RSPO2: variants seen among roughly 807,000 people sequenced by gnomAD.
RSPO2 encodes R-spondin-2.
In RSPO2, 14 loss-of-function variants were observed where a neutral mutation model predicts 30.9. The observed-to-expected ratio is 0.45, with a 90% CI of 0.30 to 0.71. RSPO2 has a LOEUF of 0.71. Among genes scored for constraint, RSPO2 ranks in the 30% least tolerant of loss-of-function variants. The probability of loss-of-function intolerance (pLI) is 0.08; values close to 1 mark genes in which losing one functional copy is unlikely to be tolerated. For synonymous variants in RSPO2, 107 were observed against 96.4 expected (o/e 1.11, Z -0.64); for missense variants, 264 against 301.9 (o/e 0.87, Z 0.93).
At chr8:108,011,532 T>C (rs1169003101) in intron 2 of RSPO2, among the ~76,000 whole-genome samples, 1 of 152,212 alleles carries the variant, frequency 6.6e-6, no homozygotes, top group Non-Finnish European at 1.5e-5. Context: ...CTTCAAATGT[T>C]TTAAAGAAGA....
intron 2 of RSPO2, among the ~76,000 whole-genome samples, chr8:108,018,510 A>AT (rs1277835063): frequency 1.3e-5 from 2 of 152,220 alleles, no homozygotes; most frequent in Non-Finnish European, 2.9e-5. Context: ...TACATGTATG[A>AT]TTTTAATAGT....
At chr8:107,908,825 G>A (rs1036141574) in intron 5 of RSPO2, among the ~76,000 whole-genome samples, 3 of 152,144 alleles carry the variant, frequency 2.0e-5, no homozygotes, top group African/African-American at 7.2e-5. Context: ...TAGAGAAAAA[G>A]CATTATTCAC....
chr8:107,984,704 G>A (rs1360563791), intron 3 of RSPO2, among the ~76,000 whole-genome samples: 2 of 152,296 alleles, frequency 1.3e-5, no homozygotes, highest in East Asian at 3.9e-4. Flanking sequence ...AATGATGCAA[G>A]AGTGGAAGTA....
intron 5 of RSPO2, 24 bp downstream of exon 5, chr8:107,958,056 A>G (rs773569572): frequency 6.4e-7 from 1 of 1,565,102 alleles, no homozygotes; most frequent in Non-Finnish European, 8.8e-7. Context: ...CACAGCACAC[A>G]GTAGTGATTA....
In RSPO2 at chr8:107,983,665, T is replaced by TC; in HGVS notation, c.283+5390_283+5391insG. 1.5e-5 allele frequency: 24 copies of TC among 1,593,124 alleles called. No homozygotes were observed. The South Asian group carries it at 2.7e-4, about 18-fold the overall frequency. On this transcript the variant is annotated intron_variant, in intron 3 of 5. Coordinates refer to ENST00000276659, the MANE Select transcript of RSPO2 (RefSeq NM_178565.5). ...TGCAGATTTGAAGAGGCATGTGGAA[T>TC]TCCTTGTGGCAGAGAATTAAAGATT...
At chr8:107,986,105 A>G (rs866043792) in intron 3 of RSPO2, among the ~76,000 whole-genome samples, 15 of 152,202 alleles carry the variant, frequency 9.9e-5, no homozygotes, top group Non-Finnish European at 1.9e-4. Context: ...AGTGGATATC[A>G]TTTCAAATTC....
chr8:107,935,906 G>GTA (rs1812710016), intron 5 of RSPO2, among the ~76,000 whole-genome samples: 1 of 152,132 alleles, frequency 6.6e-6, no homozygotes, highest in East Asian at 1.9e-4. Context: ...TCAATTCAGG[G>GTA]TATTTGGGGT....
chr8:108,080,477 G>C (rs1586686111), intron 2 of RSPO2, among the ~76,000 whole-genome samples: 1 of 152,206 alleles, frequency 6.6e-6, no homozygotes, highest in African/African-American at 2.4e-5. Context: ...AGTGCTTTGG[G>C]ATGTGGATGG....
intron 3 of RSPO2, among the ~76,000 whole-genome samples, chr8:107,984,980 A>G (rs1020845673): frequency 6.6e-6 from 1 of 152,188 alleles, no homozygotes; most frequent in Non-Finnish European, 1.5e-5. Context: ...AGAATTCTGC[A>G]TGATACTTCA....
chr8:108,065,133 C>T (rs938427032), intron 2 of RSPO2, among the ~76,000 whole-genome samples: 3 of 151,364 alleles, frequency 2.0e-5, no homozygotes, highest in South Asian at 2.1e-4. Context: ...AACGAACCTG[C>T]GCATTGTGCA....
chr8:107,999,424 A>C (rs1249866567), intron 2 of RSPO2, among the ~76,000 whole-genome samples: 2 of 152,278 alleles, frequency 1.3e-5, no homozygotes, highest in East Asian at 3.9e-4. Context: ...ACTCAAAGCT[A>C]GGAGAAACTA....
chr8:108,026,941 T>G (rs1811240764), intron 2 of RSPO2, among the ~76,000 whole-genome samples: 1 of 152,210 alleles, frequency 6.6e-6, no homozygotes, highest in Admixed American at 6.5e-5. Context: ...AACTTCTCTG[T>G]AAAGTCTGAA....
At chr8:108,033,808 G>T (rs1040226953) in intron 2 of RSPO2, among the ~76,000 whole-genome samples, 3 of 152,180 alleles carry the variant, frequency 2.0e-5, no homozygotes, top group African/African-American at 4.8e-5. Flanking sequence ...TGTGTGGAAA[G>T]AAAGGCATGG....
At position 108,083,468 on chromosome 8, in the gene RSPO2, C is replaced by G. The variant is rs1437562679; in HGVS notation, c.-441G>C. 1.3e-5 allele frequency: 2 copies of G among 152,392 alleles called. No individual in the cohort carries two copies. Among genetic ancestry groups the G allele is most frequent in the Non-Finnish European group, 2.9e-5 (2 of 68,168 alleles). The allele number at this position is 152,392 out of a possible 1,614,324, so 9.4% of individuals were successfully genotyped here. A position where few individuals can be genotyped will look rare whatever the true frequency, so the allele number is the denominator to read the frequency against. On this transcript the variant is annotated 5_prime_UTR_variant, in exon 1 of 6. Coordinates refer to ENST00000276659, the MANE Select transcript of RSPO2 (RefSeq NM_178565.5). ...TGCGCCCGCTCACACTCTCTGCCTCCCTAACCAATTGTGTCGCTTCCTGCG... is the reference window on the plus strand; with the variant it reads ...TGCGCCCGCTCACACTCTCTGCCTCGCTAACCAATTGTGTCGCTTCCTGCG...
chr8:107,953,071 A>C (rs1263388798), intron 5 of RSPO2, among the ~76,000 whole-genome samples: 1 of 152,238 alleles, frequency 6.6e-6, no homozygotes, highest in Non-Finnish European at 1.5e-5. Context: ...CAAAAGAGGC[A>C]GAAAGCTATC....
chr8:108,076,643 C>T (rs999630313), intron 2 of RSPO2, among the ~76,000 whole-genome samples: 7 of 151,942 alleles, frequency 4.6e-5, no homozygotes, highest in Non-Finnish European at 7.4e-5. Context: ...CAGAGGAACA[C>T]ATTTGGGAGG....
intron 2 of RSPO2, among the ~76,000 whole-genome samples, chr8:108,035,534 G>A (rs533080897): frequency 5.3e-5 from 8 of 152,166 alleles, no homozygotes; most frequent in South Asian, 4.2e-4. Flanking sequence ...GCAGTGGCGC[G>A]ATCTTGGCTC....
At chr8:108,060,864 A>C (rs1812433579) in intron 2 of RSPO2, among the ~76,000 whole-genome samples, 1 of 151,494 alleles carries the variant, frequency 6.6e-6, no homozygotes, top group Non-Finnish European at 1.5e-5. Flanking sequence ...GCCAGAAGAC[A>C]GTGGGGGCCA....
chr8:108,023,866 T>C (rs1811124687), intron 2 of RSPO2, among the ~76,000 whole-genome samples: 2 of 152,062 alleles, frequency 1.3e-5, no homozygotes, highest in Admixed American at 6.6e-5. Flanking sequence ...ATGGAAAGAG[T>C]TATGCAGAGT....
Sources: allele counts gnomAD v4.1 joint callset (sites outside exome capture counted in the v4.1 genomes callset), GRCh38; gene constraint gnomAD v4.1.1; transcripts MANE v1.5; gene names NCBI Gene and HGNC (gene_info 2026-07-23, HGNC 2026-07-21).